The following ECSIT variants were observed in gnomAD, a reference collection of about 807,000 sequenced individuals.
ECSIT encodes ECSIT signaling integrator.
A neutral mutation model predicts 36.8 loss-of-function variants in ECSIT; 29 were observed. The observed-to-expected ratio is 0.79, with a 90% CI of 0.59 to 1.08. The LOEUF (loss-of-function observed/expected upper bound fraction) is 1.08, where lower values mean the gene tolerates loss of function less well. Among genes scored for constraint, ECSIT ranks in the 50% least tolerant of loss-of-function variants. ECSIT has a pLI of 0.00. For missense variants in ECSIT, 542 were observed against 581.0 expected (o/e 0.93, Z 0.69); for synonymous variants, 231 against 234.8 (o/e 0.98, Z 0.15).
At chr19:11,520,425 GC>G (rs778562162) in intron 1 of ECSIT, among the ~76,000 whole-genome samples, 6 of 152,156 alleles carry the variant, frequency 3.9e-5, no homozygotes, top group Non-Finnish European at 5.9e-5. Flanking sequence ...GCCAGCCTCA[GC>G]CTCCCCAAGT....
chr19:11,518,108 C>T (rs1212378580), intron 2 of ECSIT, among the ~76,000 whole-genome samples: 1 of 148,014 alleles, frequency 6.8e-6, no homozygotes, highest in Admixed American at 6.8e-5. Context: ...CTGGGCAACA[C>T]AACAAGACCA....
Position 11,506,680 on chromosome 19 carries a change from G to A in ECSIT, c.1052-252C>T, listed in dbSNP as rs368728978. On this transcript the variant is annotated intron_variant, in intron 7 of 7. Transcript: ENST00000270517. ...CTCCCGAGGAGCTGGGATTACAGGT[G>A]CACAGCACCACGCCGGGCTAATTTT... is the stretch of plus-strand genomic sequence containing the variant. Among the ~76,000 whole-genome samples, 153 of 152,178 alleles carry A rather than the reference G, an allele frequency of 1.0e-3. 1 individual carries two copies. Among genetic ancestry groups the A allele is most frequent in the African/African-American group, 3.5e-3 (146 of 41,542 alleles).
chr19:11,526,490 C>T (rs1335628232), intron 1 of ECSIT, among the ~76,000 whole-genome samples: 1 of 152,190 alleles, frequency 6.6e-6, no homozygotes, highest in Non-Finnish European at 1.5e-5. Context: ...CGCACCACTA[C>T]TACTGGCCAT....
intron 1 of ECSIT, chr19:11,522,208 G>C: frequency 1.8e-6 from 1 of 542,680 alleles, no homozygotes; most frequent in Non-Finnish European, 3.3e-6. Flanking sequence ...TTCGGCATCT[G>C]GCTGCGCTAC....
Position 11,513,961 on chromosome 19 carries a change from C to G in ECSIT, c.357G>C (p.Glu119Asp), listed in dbSNP as rs377094929. 1.2e-6 allele frequency: 2 copies of G among 1,614,122 alleles called. No individual in the cohort carries two copies. Among genetic ancestry groups the G allele is most frequent in the Non-Finnish European group, 1.7e-6 (2 of 1,180,052 alleles). The stretch of plus-strand genomic sequence containing the variant: ...CAGCCAGGTCCCGCTCGACACCATA[C>G]TCCCGCATCTTGCGCAGGGCCAGGT... ...FIYLALRKMREYGVERDLAVY... is the reference protein window; with the variant it reads ...FIYLALRKMRDYGVERDLAVY... Residue 119 changes from glutamate to aspartate, a missense_variant, in exon 3 of 8, where the codon GAG becomes GAC. Glu to Asp is a conservative substitution (Grantham distance 45). Transcript: ENST00000270517.
At chr19:11,522,502 T>A in intron 1 of ECSIT, 2 of 1,063,842 alleles carry the variant, frequency 1.9e-6, no homozygotes, top group Non-Finnish European at 1.4e-6. Context: ...CTTCTAGGGG[T>A]AGGGCCCTCA....
Position 11,519,379 on chromosome 19 carries a change from T to C in ECSIT, c.-23-186A>G, listed in dbSNP as rs1340353162. ...TCTTGGGACAGCACCCTAATCCTGC[T>C]GCCCCAGGGGCGTGATCATAGCTCA... On this transcript the variant is annotated intron_variant, in intron 1 of 7. Coordinates refer to ENST00000270517, the MANE Select transcript of ECSIT (RefSeq NM_016581.5). This position sits in a 1 kb window ranked among gnomAD's most constrained non-coding sequence, Gnocchi z 4.4. Among the ~76,000 whole-genome samples, 1 of 152,182 alleles carries C rather than the reference T, an allele frequency of 6.6e-6. No homozygotes were observed. Among genetic ancestry groups the C allele is most frequent in the Non-Finnish European group, 1.5e-5 (1 of 68,028 alleles).
At chr19:11,509,767 C>CA (rs1255294686) in intron 4 of ECSIT, among the ~76,000 whole-genome samples, 1 of 149,716 alleles carries the variant, frequency 6.7e-6, no homozygotes, top group Non-Finnish European at 1.5e-5. Flanking sequence ...GGCTCTGTCT[C>CA]AAAAAAACAA....
At chr19:11,523,254 A>G (rs1279880732) in intron 1 of ECSIT, among the ~76,000 whole-genome samples, 3 of 152,236 alleles carry the variant, frequency 2.0e-5, no homozygotes, top group Admixed American at 1.3e-4. Context: ...AGTAAATTCA[A>G]TGTGTTTTCC....
rs1165019988 is a variant in ECSIT, at chr19:11,519,269, G to T, written c.-23-76C>A. The stretch of plus-strand genomic sequence containing the variant: ...AGACGCAAGGGCCCCGCAGGGTCGA[G>T]GGCACACTCCAGATTATGTGGCTCA... On this transcript the variant is annotated intron_variant, in intron 1 of 7. Transcript: ENST00000270517. The surrounding 1 kb of genome is among the most constrained non-coding windows in gnomAD (Gnocchi z 4.4). 1.1e-5 allele frequency: 10 copies of T among 951,686 alleles called. No individual in the cohort carries two copies. Among genetic ancestry groups the T allele is most frequent in the Non-Finnish European group, 1.6e-5 (10 of 613,618 alleles). 59.0% of individuals were successfully genotyped at this position (951,686 alleles called of 1,614,324 possible). A position where few individuals can be genotyped will look rare whatever the true frequency, so the allele number is the denominator to read the frequency against.
chr19:11,511,583 G>C (rs1971871152), intron 4 of ECSIT, among the ~76,000 whole-genome samples: 1 of 152,196 alleles, frequency 6.6e-6, no homozygotes, highest in African/African-American at 2.4e-5. Context: ...GTTGGGAGAA[G>C]GATGGGAGGG....
chr19:11,519,063 G>T lies in ECSIT; in HGVS notation c.96+12C>A. 1 of 1,550,004 alleles carries T rather than the reference G, an allele frequency of 6.5e-7. No homozygotes were observed. Among genetic ancestry groups the T allele is most frequent in the Non-Finnish European group, 8.7e-7 (1 of 1,145,512 alleles). ...CTCCCTCTACCCAAAAGACTGCCTG[G>T]CTGGTGCTTACCTGAGAGATGGAGG... On this transcript the variant is annotated intron_variant, in intron 2 of 7. Coordinates refer to ENST00000270517, the MANE Select transcript of ECSIT (RefSeq NM_016581.5). The surrounding 1 kb of genome is among the most constrained non-coding windows in gnomAD (Gnocchi z 4.4).
intron 4 of ECSIT, among the ~76,000 whole-genome samples, chr19:11,509,069 ATTT>A (rs140542540): frequency 5.9e-5 from 8 of 136,570 alleles, no homozygotes; most frequent in Admixed American, 3.0e-4. Context: ...ACACTAGACA[ATTT>A]TTTTTTTTTT....
intron 2 of ECSIT, 55 bp from the exon 3 acceptor site, chr19:11,514,276 C>T (rs1971941878): frequency 6.7e-7 from 1 of 1,495,488 alleles, no homozygotes; most frequent in Admixed American, 2.4e-5. Context: ...CTATGGGGGG[C>T]CGCCAGGCTG....
At chr19:11,527,904 G>C (rs1972248366) in intron 1 of ECSIT, among the ~76,000 whole-genome samples, 1 of 152,162 alleles carries the variant, frequency 6.6e-6, no homozygotes, top group African/African-American at 2.4e-5. Context: ...TGAGGCAGGA[G>C]AATCACTTGA....
chr19:11,522,139 T>TTG (rs1972117268), intron 1 of ECSIT: 1 of 407,114 alleles, frequency 2.5e-6, no homozygotes, highest in Non-Finnish European at 4.6e-6. Context: ...GAAGAAGTCT[T>TTG]CGGGGAGACT....
In ECSIT at chr19:11,513,192, T is replaced by A; in HGVS notation, c.602A>T (p.Lys201Met). Residue 201 changes from lysine to methionine, a missense_variant, in exon 4 of 8, where the codon AAG becomes ATG. By Grantham distance (95) the Lys-to-Met change is moderately conservative. Coordinates refer to ENST00000270517, the MANE Select transcript of ECSIT (RefSeq NM_016581.5). ...SYPMLKLVRL[K>M]LWFPRFMNVN... ...GTTCATGAATCGAGGGAACCACAGCTTCAGGCGCACCAACTTGAGCATGGG... is the reference window on the plus strand; with the variant it reads ...GTTCATGAATCGAGGGAACCACAGCATCAGGCGCACCAACTTGAGCATGGG... The A allele has an allele frequency of 6.2e-7, 1 of 1,614,122 alleles. No individual in the cohort carries two copies. The highest frequency in any genetic ancestry group is 8.5e-7 in the Non-Finnish European group (1 of 1,180,018).
Position 11,505,961 on chromosome 19 carries a change from T to TAAAAA in ECSIT, c.*222_*223insTTTTT, listed in dbSNP as rs1971724022. 1.1e-6 allele frequency: 1 copy of TAAAAA among 940,930 alleles called. No homozygotes were observed. Among genetic ancestry groups the TAAAAA allele is most frequent in the East Asian group, 2.8e-5 (1 of 36,088 alleles). The allele number at this position is 940,930 out of a possible 1,614,324, so 58.3% of individuals were successfully genotyped here. A position where few individuals can be genotyped will look rare whatever the true frequency, so the allele number is the denominator to read the frequency against. ...AACCAACAGCGCTCCCGCCCCTTTT[T>TAAAAA]ATTTGAATTCGGAGAACCAGAGGCG... is the stretch of plus-strand genomic sequence containing the variant. On this transcript the variant is annotated 3_prime_UTR_variant, in exon 8 of 8. Coordinates refer to ENST00000270517, the MANE Select transcript of ECSIT (RefSeq NM_016581.5).
intron 1 of ECSIT, chr19:11,522,432 C>A: frequency 6.9e-7 from 1 of 1,451,546 alleles, no homozygotes; most frequent in Non-Finnish European, 9.5e-7. Flanking sequence ...TCCCGCTGCC[C>A]CACCAGGTCC....
Sources: allele counts gnomAD v4.1 joint callset (sites outside exome capture counted in the v4.1 genomes callset), GRCh38; gene constraint gnomAD v4.1.1; non-coding constraint Gnocchi (gnomAD v3.1); transcripts MANE v1.5; gene names NCBI Gene and HGNC (gene_info 2026-07-23, HGNC 2026-07-21).